PCDH15: variants seen among roughly 807,000 people sequenced by gnomAD.
The protein encoded by PCDH15 is protocadherin related 15, also known as protocadherin-15.
In PCDH15, 129 loss-of-function variants were observed where a neutral mutation model predicts 178.5. The observed-to-expected ratio is 0.72, with a 90% CI of 0.63 to 0.84. PCDH15 has a LOEUF of 0.84. Among genes scored for constraint, PCDH15 ranks in the 40% least tolerant of loss-of-function variants. The pLI, the probability that PCDH15 is intolerant of heterozygous loss-of-function variation, is 0.00. For synonymous variants in PCDH15, 800 were observed against 732.0 expected, an observed-to-expected ratio of 1.09 and a Z score of -1.50; for missense variants, 2,230 against 2,099.9, an observed-to-expected ratio of 1.06 and a Z score of -1.21.
At chr10:55,503,459 CTT>C (rs1412390257) in intron 2 of PCDH15, among the ~76,000 whole-genome samples, 2 of 149,566 alleles carry the variant, frequency 1.3e-5, no homozygotes, top group Non-Finnish European at 3.0e-5. Context: ...GTGATGGAAT[CTT>C]TATTTATTTT....
intron 29 of PCDH15, among the ~76,000 whole-genome samples, chr10:53,832,724 ATGCCATGCT>A (rs1390826038): frequency 6.6e-6 from 1 of 152,054 alleles, no homozygotes; most frequent in African/African-American, 2.4e-5. Flanking sequence ...AATATAATCA[ATGCCATGCT>A]TGTGTACTTT....
intron 2 of PCDH15, among the ~76,000 whole-genome samples, chr10:55,351,098 CCTT>C (rs944670524): frequency 5.0e-5 from 7 of 139,180 alleles, no homozygotes; most frequent in African/African-American, 1.1e-4. Context: ...TTCTTCTTCT[CCTT>C]CTTCTTCTTC....
chr10:54,620,579 G>A (rs1245414270), intron 2 of PCDH15, among the ~76,000 whole-genome samples: 1 of 151,998 alleles, frequency 6.6e-6, no homozygotes, highest in East Asian at 1.9e-4. Context: ...TTAAACCACT[G>A]AATGGTCTCA....
chr10:54,896,102 G>C (rs953899608), intron 3 of PCDH15, among the ~76,000 whole-genome samples: 7 of 152,172 alleles, frequency 4.6e-5, no homozygotes, highest in African/African-American at 1.7e-4. Flanking sequence ...GGCCAGGCTG[G>C]TCTCGAACTC....
chr10:54,693,654 C>T (rs1156493695), intron 1 of PCDH15, among the ~76,000 whole-genome samples: 3 of 152,242 alleles, frequency 2.0e-5, no homozygotes, highest in South Asian at 4.1e-4. Flanking sequence ...TTCTATCACA[C>T]CTTTCCCTGA....
intron 10 of PCDH15, among the ~76,000 whole-genome samples, chr10:54,207,133 C>T (rs1267455208): frequency 6.6e-6 from 1 of 152,036 alleles, no homozygotes; most frequent in African/African-American, 2.4e-5. Flanking sequence ...TCAGTTTGTG[C>T]TTTTTGACAG....
At chr10:53,901,616 G>C (rs754076835) in intron 26 of PCDH15, among the ~76,000 whole-genome samples, 1 of 152,008 alleles carries the variant, frequency 6.6e-6, no homozygotes, top group Non-Finnish European at 1.5e-5. Context: ...TCATTCAAAG[G>C]CTTTCTTTCC....
chr10:54,057,259 C>T (rs931882796), intron 18 of PCDH15, among the ~76,000 whole-genome samples: 3 of 152,200 alleles, frequency 2.0e-5, no homozygotes, highest in Non-Finnish European at 4.4e-5. Flanking sequence ...GTGGGGGCTC[C>T]CACCCACATT....
intron 8 of PCDH15, among the ~76,000 whole-genome samples, chr10:54,302,639 T>C (rs1274497731): frequency 6.6e-6 from 1 of 152,106 alleles, no homozygotes; most frequent in East Asian, 1.9e-4. Flanking sequence ...CAGAAATAAA[T>C]TTTTAGTTTT....
chr10:55,624,679 C>T lies in PCDH15; in HGVS notation c.-156+2946G>A, dbSNP rs1321327432. On this transcript the variant is annotated intron_variant, in intron 2 of 5. Coordinates refer to the PCDH15 transcript ENST00000613346. ...AAGGGGGAAATTAGAACTCTGACAC[C>T]ACAGTGTCAATGAACATCACACAGA... is the stretch of plus-strand genomic sequence containing the variant. 2.0e-5 allele frequency among the ~76,000 whole-genome samples: 3 copies of T among 152,092 alleles called. No homozygotes were observed. In the East Asian group the frequency reaches 5.8e-4, roughly 29 times the overall value.
intron 3 of PCDH15, among the ~76,000 whole-genome samples, chr10:54,488,197 CTA>C (rs1461043467): frequency 2.0e-5 from 3 of 151,710 alleles, no homozygotes; most frequent in African/African-American, 7.3e-5. Flanking sequence ...AAATTTAAAA[CTA>C]TGTTTTCAAT....
intron 1 of PCDH15, among the ~76,000 whole-genome samples, chr10:55,191,681 G>T (rs1328750168): frequency 6.6e-6 from 1 of 151,782 alleles, no homozygotes; most frequent in African/African-American, 2.4e-5. Context: ...TTGATAAGTG[G>T]CACTTAATTT....
At chr10:53,894,197 A>G (rs1230475661) in intron 26 of PCDH15, among the ~76,000 whole-genome samples, 1 of 152,210 alleles carries the variant, frequency 6.6e-6, no homozygotes, top group Non-Finnish European at 1.5e-5. Context: ...GCACACAGAT[A>G]AACGATAACA....
chr10:53,844,422 A>G (rs913995960), intron 28 of PCDH15, among the ~76,000 whole-genome samples: 9 of 152,090 alleles, frequency 5.9e-5, no homozygotes, highest in African/African-American at 2.2e-4. Context: ...GAAATAAAAT[A>G]TAAATATCAG....
chr10:54,910,958 G>A (rs757869023), intron 2 of PCDH15, among the ~76,000 whole-genome samples: 19 of 152,104 alleles, frequency 1.2e-4, no homozygotes, highest in African/African-American at 3.4e-4. Context: ...GTGAATCAGC[G>A]TAGTAAAAAT....
At chr10:55,372,730 A>T (rs1015635549) in intron 2 of PCDH15, among the ~76,000 whole-genome samples, 9 of 152,214 alleles carry the variant, frequency 5.9e-5, no homozygotes, top group African/African-American at 2.2e-4. Flanking sequence ...CACTTCTCTC[A>T]TATCACCAGG....
intron 16 of PCDH15, among the ~76,000 whole-genome samples, chr10:54,086,021 ATTGT>A (rs1397008427): frequency 3.3e-5 from 5 of 152,150 alleles, no homozygotes; most frequent in Admixed American, 1.3e-4. Flanking sequence ...GAGGTAGAAC[ATTGT>A]TTATTTTTTT....
chr10:54,403,498 G>A (rs1292793534), intron 3 of PCDH15, among the ~76,000 whole-genome samples: 4 of 151,930 alleles, frequency 2.6e-5, no homozygotes, highest in Non-Finnish European at 5.9e-5. Flanking sequence ...TACTGAATTG[G>A]CAAAAGCTGG....
intron 20 of PCDH15, among the ~76,000 whole-genome samples, chr10:54,014,102 A>G (rs2135200050): frequency 6.6e-6 from 1 of 152,226 alleles, no homozygotes. Flanking sequence ...CACTGACCCC[A>G]CAGAAATATA....
Sources: gnomAD v4.1 joint callset for allele counts (sites outside exome capture counted in the v4.1 genomes callset) on GRCh38, gnomAD v4.1.1 for gene constraint, MANE v1.5 for transcripts, NCBI Gene and HGNC (gene_info 2026-07-23, HGNC 2026-07-21) for gene names.